CDC27: variants seen among roughly 807,000 people sequenced by gnomAD.
The protein encoded by CDC27 is cell division cycle protein 27 homolog.
CDC27 carries 27 observed loss-of-function variants against 109.7 expected under a neutral mutation model. The ratio of observed to expected loss-of-function variants is 0.25; its 90% CI spans 0.18 to 0.34. The LOEUF (loss-of-function observed/expected upper bound fraction) is 0.34. CDC27 is among the 10% of genes least tolerant of loss of function. CDC27 has a pLI of 1.00. For synonymous variants in CDC27, 266 were observed against 333.9 expected, an observed-to-expected ratio of 0.80 and a Z score of 2.22; for missense variants, 579 against 960.2, an observed-to-expected ratio of 0.60 and a Z score of 5.25.
At chr17:47,133,021 A>G (rs1459688593) in intron 14 of CDC27, among the ~76,000 whole-genome samples, 1 of 43,916 alleles carries the variant, frequency 2.3e-5, no homozygotes, top group African/African-American at 6.9e-5. Flanking sequence ...ATATATATAT[A>G]TATATATACA....
At chr17:47,188,912 G>A (rs111718069) in intron 1 of CDC27, 2 of 1,386,970 alleles carry the variant, frequency 1.4e-6, no homozygotes, top group South Asian at 1.7e-5. Context: ...CGGGAAAGGC[G>A]GTTATTTTCG....
At chr17:47,134,623 G>GC (rs2062515018) in intron 14 of CDC27, among the ~76,000 whole-genome samples, 2 of 151,832 alleles carry the variant, frequency 1.3e-5, no homozygotes, top group South Asian at 4.2e-4. Context: ...CTACAGGCAC[G>GC]CATCACCACA....
At chr17:47,150,830 C>T (rs201191792) in intron 9 of CDC27, among the ~76,000 whole-genome samples, 2 of 152,062 alleles carry the variant, frequency 1.3e-5, no homozygotes, top group Non-Finnish European at 1.5e-5. Context: ...GTTGGGAGTT[C>T]GAGACCAGCC....
chr17:47,184,956 C>T (rs2064375933), intron 1 of CDC27, among the ~76,000 whole-genome samples: 1 of 151,976 alleles, frequency 6.6e-6, no homozygotes, highest in African/African-American at 2.4e-5. Flanking sequence ...GTTATGAAGC[C>T]AAAAAGAACA....
intron 9 of CDC27, among the ~76,000 whole-genome samples, chr17:47,149,086 A>G (rs1157609698): frequency 6.6e-6 from 1 of 151,604 alleles, no homozygotes; most frequent in East Asian, 1.9e-4. Flanking sequence ...TCAAAAAAAA[A>G]AAAAAAAAAA....
intron 9 of CDC27, among the ~76,000 whole-genome samples, chr17:47,147,474 T>C (rs1211331653): frequency 6.7e-6 from 1 of 150,186 alleles, no homozygotes. Flanking sequence ...AAATATAATC[T>C]ACAATGAAGA....
chr17:47,185,949 G>T (rs1598624227), intron 1 of CDC27, among the ~76,000 whole-genome samples: 1 of 152,154 alleles, frequency 6.6e-6, no homozygotes, highest in East Asian at 1.9e-4. Context: ...ACAAATGGAG[G>T]GGTCATCCAG....
chr17:47,157,117 T>C lies in CDC27; in HGVS notation c.638A>G (p.Asn213Ser), dbSNP rs779593188. 175 of 1,568,790 alleles carry C rather than the reference T, an allele frequency of 1.1e-4. No homozygotes were observed. Among genetic ancestry groups the C allele is most frequent in the Non-Finnish European group, 1.4e-4 (164 of 1,154,566 alleles). ...TETPQDTIEL[N>S]RLNLESSNSK... Reference sequence around the variant, plus strand: ...ATTGGAAGATTCTAAATTCAATCTGTTTAATTCCTGAAACAGAAAATTTCT... The same window carrying C: ...ATTGGAAGATTCTAAATTCAATCTGCTTAATTCCTGAAACAGAAAATTTCT... Residue 213 changes from asparagine to serine, a missense_variant, in exon 7 of 19, where the codon AAC becomes AGC. Transcript: ENST00000066544.
chr17:47,177,303 A>G (rs748643428), intron 2 of CDC27, among the ~76,000 whole-genome samples: 6 of 152,330 alleles, frequency 3.9e-5, no homozygotes, highest in Non-Finnish European at 7.4e-5. Context: ...AAGACCGGAT[A>G]CAGTGGCTCC....
At chr17:47,124,909 C>T (rs2062087900) in intron 16 of CDC27, among the ~76,000 whole-genome samples, 1 of 152,078 alleles carries the variant, frequency 6.6e-6, no homozygotes, top group Non-Finnish European at 1.5e-5. Flanking sequence ...AGAATTATTA[C>T]TTTAAAGACA....
intron 10 of CDC27, 131 bp downstream of exon 10, chr17:47,143,752 C>A (rs1786449384): frequency 6.0e-6 from 2 of 332,804 alleles, no homozygotes; most frequent in Non-Finnish European, 1.1e-5. Context: ...ATAGATGGCC[C>A]TCTAAATTAA....
chr17:47,169,452 G>C (rs1192688488), intron 4 of CDC27, among the ~76,000 whole-genome samples: 2 of 151,900 alleles, frequency 1.3e-5, no homozygotes, highest in Non-Finnish European at 2.9e-5. Context: ...TTTGAGACCA[G>C]CCTGGCCAAC....
intron 17 of CDC27, among the ~76,000 whole-genome samples, chr17:47,123,382 T>C (rs1324166623): frequency 6.6e-6 from 1 of 150,784 alleles, no homozygotes; most frequent in African/African-American, 2.4e-5. Context: ...GCCATTCATG[T>C]TCTTCTACTT....
chr17:47,120,121 T>C lies in CDC27; in HGVS notation c.*814A>G, dbSNP rs529321902. ...ACTTAAGGGGTTATTAAGGGCCTTGTTTTGGCTTCTCAGTGGGGAACCACT... is the reference window on the plus strand; with the variant it reads ...ACTTAAGGGGTTATTAAGGGCCTTGCTTTGGCTTCTCAGTGGGGAACCACT... On this transcript the variant is annotated 3_prime_UTR_variant, in exon 19 of 19. Transcript: ENST00000066544. 6.6e-6 allele frequency: 1 copy of C among 152,320 alleles called. No homozygotes were observed. The highest frequency in any genetic ancestry group is 1.5e-5 in the Non-Finnish European group (1 of 68,016). The allele number at this position is 152,320 out of a possible 1,614,324, so 9.4% of individuals were successfully genotyped here.
intron 14 of CDC27, among the ~76,000 whole-genome samples, chr17:47,134,269 T>C (rs2062495937): frequency 6.7e-6 from 1 of 149,544 alleles, no homozygotes; most frequent in African/African-American, 2.5e-5. Context: ...ACTATGATAA[T>C]AAGGAAAAAA....
chr17:47,170,074 A>G, intron 3 of CDC27, 32 bp from the exon 4 acceptor site: 1 of 1,432,398 alleles, frequency 7.0e-7, no homozygotes, highest in East Asian at 2.6e-5. Context: ...ATTTTTAAAA[A>G]CCAATATAAA....
chr17:47,144,825 A>G (rs907792259), intron 9 of CDC27, among the ~76,000 whole-genome samples: 3 of 151,576 alleles, frequency 2.0e-5, no homozygotes, highest in African/African-American at 7.3e-5. Flanking sequence ...CGATATGTAC[A>G]TATGTAATAT....
chr17:47,146,439 T>C lies in CDC27; in HGVS notation c.1071-2457A>G, dbSNP rs138810713. The stretch of plus-strand genomic sequence containing the variant: ...TAGCATCAGAATTACATTATAGTAC[T>C]ATAGTGAAGAAACTACCCAAAGCTG... On this transcript the variant is annotated intron_variant, in intron 9 of 18. Transcript: ENST00000066544. Among the ~76,000 whole-genome samples, 61 of 152,334 alleles carry C rather than the reference T, an allele frequency of 4.0e-4. 1 individual carries two copies. Among genetic ancestry groups the C allele is most frequent in the Non-Finnish European group, 7.9e-4 (54 of 68,034 alleles).
rs2062269150 is a variant in CDC27, at chr17:47,129,989, C to T, written c.2032-468G>A. On this transcript the variant is annotated intron_variant, in intron 15 of 18. Coordinates refer to ENST00000066544, the MANE Select transcript of CDC27 (RefSeq NM_001256.6). ...CTTTCAAATATTAGACTTCTCAAAA[C>T]TGTGTTAACACTCCTGTTTACAAAC... Among the ~76,000 whole-genome samples the T allele has an allele frequency of 5.5e-5, 4 of 72,208 alleles. No individual in the cohort carries two copies. In the South Asian group the frequency reaches 1.6e-3, roughly 29 times the overall value. 47.4% of individuals were successfully genotyped at this position (72,208 alleles called of 152,430 possible).
Sources: gnomAD v4.1 joint callset for allele counts (sites outside exome capture counted in the v4.1 genomes callset) on GRCh38, gnomAD v4.1.1 for gene constraint, MANE v1.5 for transcripts, NCBI Gene and HGNC (gene_info 2026-07-23, HGNC 2026-07-21) for gene names.